ADAMTSL3: variants seen among roughly 807,000 people sequenced by gnomAD.
ADAMTSL3 encodes the protein ADAMTS like 3.
Under a neutral mutation model 201.7 loss-of-function variants are expected in ADAMTSL3, and 128 were observed. The ratio of observed to expected loss-of-function variants is 0.63; its 90% CI spans 0.55 to 0.73. ADAMTSL3 has a LOEUF of 0.73. Among genes scored for constraint, ADAMTSL3 ranks in the 30% least tolerant of loss-of-function variants. The pLI is 0.00. For missense variants in ADAMTSL3, 1,990 were observed against 2,119.6 expected, an observed-to-expected ratio of 0.94 and a Z score of 1.20; for synonymous variants, 738 against 748.4, an observed-to-expected ratio of 0.99 and a Z score of 0.23.
rs371059940 is a variant in ADAMTSL3 at position 83,868,868 on chromosome 15, A to G, written c.803-1934A>G. Among the ~76,000 whole-genome samples, 20 of 152,312 alleles carry G rather than the reference A, an allele frequency of 1.3e-4. No homozygotes were observed. In the East Asian group the frequency reaches 2.7e-3, roughly 21 times the overall value. On this transcript the variant is annotated intron_variant, in intron 8 of 29. Coordinates refer to ENST00000286744, the MANE Select transcript of ADAMTSL3 (RefSeq NM_207517.3). The stretch of plus-strand genomic sequence containing the variant: ...ATTCTGTATTAAAAACAAAGTATCA[A>G]AACCAAGTTAACAAAAATGCTGGCC...
At position 83,923,804 on chromosome 15, in the gene ADAMTSL3, G is replaced by A; in HGVS notation, c.1988-100G>A. 3.6e-6 allele frequency: 5 copies of A among 1,396,422 alleles called. No homozygotes were observed. The South Asian group carries it at 6.7e-5, about 19-fold the overall frequency. The allele number at this position is 1,396,422 out of a possible 1,614,324, so 86.5% of individuals were successfully genotyped here. A position where few individuals can be genotyped will look rare whatever the true frequency, so the allele number is the denominator to read the frequency against. ...CCTGCAGCCCTATGATAGTCAAAAG[G>A]GCAGTATGCTAAGAATGAGAAGACC... On this transcript the variant is annotated intron_variant, in intron 16 of 29. Transcript: ENST00000286744.
chr15:83,657,344 A>G (rs1050668737), intron 2 of ADAMTSL3, among the ~76,000 whole-genome samples: 1 of 152,172 alleles, frequency 6.6e-6, no homozygotes, highest in African/African-American at 2.4e-5. Flanking sequence ...GGATTTTTCC[A>G]TATCTGTGTG....
intron 7 of ADAMTSL3, among the ~76,000 whole-genome samples, chr15:83,853,409 TAAACAGCAG>T (rs1367122841): frequency 5.3e-5 from 8 of 152,328 alleles, no homozygotes; most frequent in Middle Eastern, 3.4e-3. Flanking sequence ...TTTCCCCAAT[TAAACAGCAG>T]TGTTTCTAAT....
intron 4 of ADAMTSL3, among the ~76,000 whole-genome samples, chr15:83,776,160 CCT>C (rs1478828112): frequency 3.3e-5 from 5 of 152,150 alleles, no homozygotes; most frequent in Non-Finnish European, 7.3e-5. Flanking sequence ...AAAATTTCTT[CCT>C]CTTGATTTGG....
rs376036136 is a variant in ADAMTSL3, at chr15:83,730,223, G to C, written c.189+25715G>C. The stretch of plus-strand genomic sequence containing the variant: ...ATCTAAAAACTGAAATTAAAAACCT[G>C]ATGCTTAAGAAGAAACATGGAACAT... On this transcript the variant is annotated intron_variant, in intron 3 of 29. Transcript: ENST00000286744. Among the ~76,000 whole-genome samples, 15 of 152,226 alleles carry C rather than the reference G, an allele frequency of 9.9e-5. No individual in the cohort carries two copies. In the East Asian group the frequency reaches 1.9e-3, roughly 20 times the overall value.
intron 23 of ADAMTSL3, among the ~76,000 whole-genome samples, chr15:83,997,595 A>G (rs2067711692): frequency 6.6e-6 from 1 of 152,214 alleles, no homozygotes; most frequent in Non-Finnish European, 1.5e-5. Flanking sequence ...GTCTCAAAAA[A>G]CAAAACAAAA....
At chr15:83,809,638 C>T (rs149724219) in intron 5 of ADAMTSL3, among the ~76,000 whole-genome samples, 5 of 152,218 alleles carry the variant, frequency 3.3e-5, no homozygotes, top group East Asian at 1.9e-4. Flanking sequence ...GACTATGTGT[C>T]GGCCCCAGGC....
chr15:83,941,395 A>C (rs187198481), intron 17 of ADAMTSL3, among the ~76,000 whole-genome samples: 3 of 152,242 alleles, frequency 2.0e-5, no homozygotes, highest in Non-Finnish European at 1.5e-5. Context: ...TTTAATAAAA[A>C]TCAGAGAAAA....
intron 17 of ADAMTSL3, among the ~76,000 whole-genome samples, chr15:83,924,293 C>T (rs1307619463): frequency 1.3e-5 from 2 of 152,198 alleles, no homozygotes; most frequent in Non-Finnish European, 2.9e-5. Flanking sequence ...GCCTGCTACC[C>T]ATAAAACCAT....
At chr15:83,846,252 A>G (rs75967540) in intron 7 of ADAMTSL3, among the ~76,000 whole-genome samples, 138 of 152,296 alleles carry the variant, frequency 9.1e-4, no homozygotes, top group African/African-American at 3.3e-3. Flanking sequence ...GTGTGACATT[A>G]TTTATTCTTA....
chr15:83,714,691 C>CCCTT (rs1171809498), intron 3 of ADAMTSL3, among the ~76,000 whole-genome samples: 4 of 127,610 alleles, frequency 3.1e-5, no homozygotes, highest in Middle Eastern at 4.7e-3. Flanking sequence ...CTCCCTTCCT[C>CCCTT]CCTTCCTTCC....
intron 3 of ADAMTSL3, among the ~76,000 whole-genome samples, chr15:83,767,822 T>C (rs184240687): frequency 2.4e-4 from 36 of 152,358 alleles, no homozygotes; most frequent in Admixed American, 2.3e-3. Flanking sequence ...AGACTCCAAG[T>C]CTGATTAGTT....
intron 2 of ADAMTSL3, among the ~76,000 whole-genome samples, chr15:83,693,290 G>T (rs1233704681): frequency 6.6e-6 from 1 of 152,220 alleles, no homozygotes; most frequent in Non-Finnish European, 1.5e-5. Flanking sequence ...TCACTGGGCA[G>T]AAGCATGGCC....
At chr15:83,908,155 A>G (rs1184348903) in intron 15 of ADAMTSL3, among the ~76,000 whole-genome samples, 1 of 152,254 alleles carries the variant, frequency 6.6e-6, no homozygotes, top group African/African-American at 2.4e-5. Context: ...TTGGATTCAT[A>G]TGCTGTCATC....
chr15:83,877,025 C>G (rs924632942), intron 9 of ADAMTSL3, among the ~76,000 whole-genome samples: 1 of 152,156 alleles, frequency 6.6e-6, no homozygotes, highest in Non-Finnish European at 1.5e-5. Flanking sequence ...AACTCCTGAC[C>G]TCAAGTGATC....
At chr15:83,716,376 G>A (rs58774607) in intron 3 of ADAMTSL3, among the ~76,000 whole-genome samples, 38 of 151,690 alleles carry the variant, frequency 2.5e-4, no homozygotes, top group African/African-American at 8.0e-4. Flanking sequence ...AATTAGCTAG[G>A]CATGGCGGCA....
intron 15 of ADAMTSL3, among the ~76,000 whole-genome samples, chr15:83,907,300 A>G (rs1810049): frequency 0.63 from 95,346 of 151,968 alleles, 31,002 homozygotes; most frequent in African/African-American, 0.79. Context: ...TTTTTAACAC[A>G]CTCAAACCTA....
intron 9 of ADAMTSL3, among the ~76,000 whole-genome samples, chr15:83,877,234 A>G (rs2065193777): frequency 6.6e-6 from 1 of 152,184 alleles, no homozygotes; most frequent in South Asian, 2.1e-4. Flanking sequence ...CCCCTAAGAT[A>G]TTCTTCTATG....
At chr15:83,754,369 C>T (rs2062686176) in intron 3 of ADAMTSL3, among the ~76,000 whole-genome samples, 1 of 152,112 alleles carries the variant, frequency 6.6e-6, no homozygotes, top group African/African-American at 2.4e-5. Flanking sequence ...GAATGCCAGC[C>T]ACCAAGACAG....
Sources: gnomAD v4.1 joint callset for allele counts (sites outside exome capture counted in the v4.1 genomes callset) on GRCh38, gnomAD v4.1.1 for gene constraint, MANE v1.5 for transcripts, NCBI Gene and HGNC (gene_info 2026-07-23, HGNC 2026-07-21) for gene names.